The following KIF26B variants were observed in gnomAD, a reference collection of about 807,000 sequenced individuals.
KIF26B encodes the protein kinesin family member 26B, also known as kinesin-like protein KIF26B.
In KIF26B, 63 loss-of-function variants were observed where a neutral mutation model predicts 151.2. The observed-to-expected ratio is 0.42, with a 90% CI of 0.34 to 0.51. KIF26B has a LOEUF of 0.51. KIF26B is among the 20% of genes least tolerant of loss of function. The pLI, the probability that KIF26B is intolerant of heterozygous loss-of-function variation, is 0.07. For missense variants in KIF26B, 2,813 were observed against 2,913.6 expected, an observed-to-expected ratio of 0.97 and a Z score of 0.79; for synonymous variants, 1,357 against 1,262.1, an observed-to-expected ratio of 1.08 and a Z score of -1.59.
chr1:245,602,716 A>G lies in KIF26B; in HGVS notation c.1490A>G (p.Lys497Arg). ...TGTGGAGGTCAAAATGCCTTCCAAA[A>G]GAGAGGCAACCAGGTTCCTCCAAAG... ...LTCGGQNAFQ[K>R]RGNQVPPKMF... Residue 497 changes from lysine to arginine, a missense_variant, in exon 6 of 15, where the codon AAG (lysine) becomes AGG (arginine). By Grantham distance (26) the Lys-to-Arg change is conservative (BLOSUM62 2). Around this residue, in one of 3 missense-constraint regions of KIF26B, gnomAD observed 676 missense variants for 688.1 expected, o/e 0.98. Transcript: ENST00000407071. The surrounding 1 kb of genome is among the most constrained non-coding windows in gnomAD (Gnocchi z 4.5). 1 of 1,614,074 alleles carries G rather than the reference A, an allele frequency of 6.2e-7. No individual in the cohort carries two copies. The highest frequency in any genetic ancestry group is 1.3e-5 in the African/African-American group (1 of 75,078).
At chr1:245,171,805 G>A (rs997386974) in intron 2 of KIF26B, among the ~76,000 whole-genome samples, 4 of 152,118 alleles carry the variant, frequency 2.6e-5, no homozygotes, top group Admixed American at 1.3e-4. Flanking sequence ...TTGCTCTGCC[G>A]CATACCAGCT....
rs6428924 is a variant in KIF26B at position 245,487,408 on chromosome 1, A to C, written c.1167-53359A>C. Reference sequence around the variant, plus strand: ...AACAGCAGAGTAGGCAACCAAGCACAGGGCCTACGTGCTGGCCAGTACTCT... The same window carrying C: ...AACAGCAGAGTAGGCAACCAAGCACCGGGCCTACGTGCTGGCCAGTACTCT... On this transcript the variant is annotated intron_variant, in intron 4 of 14. Transcript: ENST00000407071. Among the ~76,000 whole-genome samples the C allele has an allele frequency of 9.7e-4, 148 of 152,220 alleles. No homozygotes were observed. In the Middle Eastern group the frequency reaches 0.017, roughly 17 times the overall value.
In KIF26B at chr1:245,495,003, C is replaced by G. The variant is rs1660485026; in HGVS notation, c.1167-45764C>G. Among the ~76,000 whole-genome samples, 1 of 151,780 alleles carries G rather than the reference C, an allele frequency of 6.6e-6. No individual in the cohort carries two copies. The highest frequency in any genetic ancestry group is 6.6e-5 in the Admixed American group (1 of 15,236). Reference sequence around the variant, plus strand: ...TGCAGTGAGTCAACTTCACTTCAGCCTGAGTGACAGAGATCCTGTCTCACA... The same window carrying G: ...TGCAGTGAGTCAACTTCACTTCAGCGTGAGTGACAGAGATCCTGTCTCACA... On this transcript the variant is annotated intron_variant, in intron 4 of 14. Coordinates refer to ENST00000407071, the MANE Select transcript of KIF26B (RefSeq NM_018012.4). This position sits in a 1 kb window ranked among gnomAD's most constrained non-coding sequence, Gnocchi z 4.2.
At chr1:245,335,845 T>A (rs1572010581) in intron 2 of KIF26B, among the ~76,000 whole-genome samples, 2 of 110,974 alleles carry the variant, frequency 1.8e-5, no homozygotes. Flanking sequence ...GAAGGAGGAG[T>A]CCCACGAAGG....
chr1:245,698,944 G>A lies in KIF26B; in HGVS notation c.6085G>A (p.Ala2029Thr), dbSNP rs2044732957. 2.5e-6 allele frequency: 4 copies of A among 1,614,018 alleles called. No individual in the cohort carries two copies. Among genetic ancestry groups the A allele is most frequent in the South Asian group, 1.1e-5 (1 of 91,086 alleles). Residue 2029 changes from alanine to threonine, a missense_variant, in exon 14 of 15, where the codon GCC (alanine) becomes ACC (threonine). Ala to Thr is a moderately conservative substitution (Grantham distance 58). This residue lies in a region of KIF26B where 2,060 missense variants were observed against 2,088.6 expected (regional missense o/e 0.99). Transcript: ENST00000407071. The surrounding 1 kb of genome is among the most constrained non-coding windows in gnomAD (Gnocchi z 4.0). Reference sequence around the variant, plus strand: ...TCTGGAACACCGCCAGCAGAGGATCGCCGAGGTCCGCGCGAAGTACGAGTG... The same window carrying A: ...TCTGGAACACCGCCAGCAGAGGATCACCGAGGTCCGCGCGAAGTACGAGTG... The part of the protein sequence containing the change: ...KILEHRQQRI[A>T]EVRAKYEWLM...
intron 4 of KIF26B, among the ~76,000 whole-genome samples, chr1:245,428,336 G>A (rs1658696024): frequency 6.6e-6 from 1 of 152,160 alleles, no homozygotes; most frequent in Non-Finnish European, 1.5e-5. Flanking sequence ...AAAACATTAA[G>A]AAGCAACCAA....
intron 5 of KIF26B, among the ~76,000 whole-genome samples, chr1:245,587,697 C>T (rs987889811): frequency 2.0e-5 from 3 of 152,166 alleles, no homozygotes; most frequent in Admixed American, 6.5e-5. Flanking sequence ...GACAGCTCTA[C>T]GTAAGCCAGA....
intron 3 of KIF26B, among the ~76,000 whole-genome samples, chr1:245,397,092 T>C (rs1673865469): frequency 6.6e-6 from 1 of 152,064 alleles, no homozygotes. Flanking sequence ...CCCGAGTAGC[T>C]GGGACTATAG....
chr1:245,458,237 C>G (rs1247130150), intron 4 of KIF26B, among the ~76,000 whole-genome samples: 6 of 152,210 alleles, frequency 3.9e-5, no homozygotes, highest in Non-Finnish European at 8.8e-5. Context: ...CAAGCCCTCT[C>G]TCTTAACCCC....
At chr1:245,329,511 C>A (rs498799) in intron 2 of KIF26B, among the ~76,000 whole-genome samples, 3 of 152,222 alleles carry the variant, frequency 2.0e-5, no homozygotes, top group African/African-American at 7.2e-5. Flanking sequence ...ACCTGAGAGT[C>A]TGGAAGTATA....
At position 245,397,725 on chromosome 1, in the gene KIF26B, G is replaced by T. The variant is rs139650121; in HGVS notation, c.1000-21854G>T. 3.2e-3 allele frequency among the ~76,000 whole-genome samples: 489 copies of T among 152,310 alleles called. 2 individuals are homozygous for T. Among genetic ancestry groups the T allele is most frequent in the African/African-American group, 0.012 (480 of 41,578 alleles). On this transcript the variant is annotated intron_variant, in intron 3 of 14. Coordinates refer to ENST00000407071, the MANE Select transcript of KIF26B (RefSeq NM_018012.4). ...GGGGCTGGATCAGACAGAGAAAACA[G>T]AAGGGGAACATGCCAGTGTCTTCAA...
At chr1:245,481,073 C>T (rs559456825) in intron 4 of KIF26B, among the ~76,000 whole-genome samples, 7 of 151,928 alleles carry the variant, frequency 4.6e-5, no homozygotes, top group Admixed American at 2.6e-4. Context: ...CTGTGCTGGC[C>T]GTGCGTTGTG....
intron 4 of KIF26B, among the ~76,000 whole-genome samples, chr1:245,509,090 T>A (rs1660779594): frequency 6.6e-6 from 1 of 152,236 alleles, no homozygotes; most frequent in South Asian, 2.1e-4. Flanking sequence ...GAAATCCTCT[T>A]GTGATATATT....
chr1:245,440,851 C>T (rs1659062917), intron 4 of KIF26B, among the ~76,000 whole-genome samples: 3 of 152,156 alleles, frequency 2.0e-5, no homozygotes, highest in African/African-American at 4.8e-5. Flanking sequence ...ATTGGAAACA[C>T]GTCATGGGAC....
At position 245,601,355 on chromosome 1, in the gene KIF26B, G is replaced by A. The variant is rs1216843455; in HGVS notation, c.1351-1222G>A. Among the ~76,000 whole-genome samples the A allele has an allele frequency of 6.6e-6, 1 of 152,170 alleles. No individual in the cohort carries two copies. Among genetic ancestry groups the A allele is most frequent in the Non-Finnish European group, 1.5e-5 (1 of 68,024 alleles). On this transcript the variant is annotated intron_variant, in intron 5 of 14. Coordinates refer to ENST00000407071, the MANE Select transcript of KIF26B (RefSeq NM_018012.4). The surrounding 1 kb of genome is among the most constrained non-coding windows in gnomAD (Gnocchi z 4.4). ...TCGCTCAGCAGAGAGAGTCGAGATT[G>A]GCAGGAGGATCTCCGTCTTGAACAA...
intron 2 of KIF26B, among the ~76,000 whole-genome samples, chr1:245,268,326 G>A (rs145367941): frequency 6.6e-6 from 1 of 151,638 alleles, no homozygotes; most frequent in Non-Finnish European, 1.5e-5. Flanking sequence ...AAAAAAATTA[G>A]CCAGGCATGG....
intron 10 of KIF26B, 93 bp from the exon 11 acceptor site, chr1:245,684,140 C>A: frequency 2.9e-6 from 4 of 1,394,534 alleles, no homozygotes; most frequent in Non-Finnish European, 3.9e-6. Flanking sequence ...CCACCACCCA[C>A]AACAAAATGG....
intron 3 of KIF26B, among the ~76,000 whole-genome samples, chr1:245,369,378 A>C (rs963979312): frequency 5.3e-5 from 8 of 152,156 alleles, no homozygotes; most frequent in African/African-American, 1.7e-4. Context: ...TGGTTGATAA[A>C]ATGCCGGGTG....
At chr1:245,576,951 C>T (rs2043124063) in intron 5 of KIF26B, among the ~76,000 whole-genome samples, 2 of 152,218 alleles carry the variant, frequency 1.3e-5, no homozygotes, top group South Asian at 2.1e-4. Context: ...AGGCACAGTC[C>T]CTTATTACTG....
Sources: allele counts gnomAD v4.1 joint callset (sites outside exome capture counted in the v4.1 genomes callset), GRCh38; gene constraint gnomAD v4.1.1; regional missense constraint gnomAD v4.1.1; non-coding constraint Gnocchi (gnomAD v3.1); transcripts MANE v1.5; gene names NCBI Gene and HGNC (gene_info 2026-07-23, HGNC 2026-07-21).